OPRL1: variants seen among roughly 807,000 people sequenced by gnomAD.
OPRL1 encodes nociceptin receptor.
Under a neutral mutation model 15.5 loss-of-function variants are expected in OPRL1, and 5 were observed. That is an observed-to-expected ratio of 0.32 (90% CI 0.17 to 0.68). The LOEUF (loss-of-function observed/expected upper bound fraction) is 0.68, where lower values mean the gene tolerates loss of function less well. Among genes scored for constraint, OPRL1 ranks in the 30% least tolerant of loss-of-function variants. OPRL1 has a pLI of 0.72. For missense variants in OPRL1, 406 were observed against 515.3 expected (o/e 0.79, Z 2.05); for synonymous variants, 223 against 230.2 (o/e 0.97, Z 0.28).
rs991302011 is a variant in OPRL1, at chr20:64,089,765, G to T, written c.-184-2201G>T. On this transcript the variant is annotated intron_variant, in intron 1 of 4. Coordinates refer to ENST00000336866, the MANE Select transcript of OPRL1 (RefSeq NM_182647.4). This position sits in a 1 kb window ranked among gnomAD's most constrained non-coding sequence, Gnocchi z 5.5. ...TCCTGGTCCGGGGACATCAGGTTGG[G>T]CTCCTTTGTCCTTCCCTTACGAGGT... Among the ~76,000 whole-genome samples the T allele has an allele frequency of 6.6e-6, 1 of 152,208 alleles. No homozygotes were observed. Among genetic ancestry groups the T allele is most frequent in the Non-Finnish European group, 1.5e-5 (1 of 68,036 alleles).
chr20:64,092,588 G>T (rs911403638), intron 2 of OPRL1, 100 bp from the exon 3 acceptor site: 3 of 828,600 alleles, frequency 3.6e-6, no homozygotes, highest in Non-Finnish European at 5.7e-6. Flanking sequence ...TGCCCAGCGT[G>T]GGGGTCCATG....
rs955471337 is a variant in OPRL1 at position 64,100,012 on chromosome 20, G to C, written c.*1213G>C. ...TGAGCTTGCTGCCCAACGGGAGGAT[G>C]GCTTCACAGCAGAGCCAGCATGAGG... On this transcript the variant is annotated 3_prime_UTR_variant, in exon 5 of 5. Transcript: ENST00000336866. The C allele has an allele frequency of 1.3e-5, 2 of 152,072 alleles. No homozygotes were observed. The highest frequency in any genetic ancestry group is 4.8e-5 in the African/African-American group (2 of 41,342). The allele number at this position is 152,072 out of a possible 1,614,324, so 9.4% of individuals were successfully genotyped here.
chr20:64,082,044 T>C (rs897851695), intron 1 of OPRL1, among the ~76,000 whole-genome samples: 1 of 152,198 alleles, frequency 6.6e-6, no homozygotes, highest in East Asian at 1.9e-4. Context: ...ATTCTCCCAG[T>C]AGATGAACTC....
chr20:64,081,672 C>G (rs1322646709), intron 1 of OPRL1, among the ~76,000 whole-genome samples: 3 of 152,208 alleles, frequency 2.0e-5, no homozygotes, highest in African/African-American at 7.2e-5. Flanking sequence ...CCTGACAGCC[C>G]TCAATATATT....
chr20:64,084,456 A>G (rs1388488030), intron 1 of OPRL1: 53 of 1,066,086 alleles, frequency 5.0e-5, no homozygotes, highest in East Asian at 7.0e-5. Flanking sequence ...CCTGCAGTCA[A>G]CTAGGACTTT....
intron 1 of OPRL1, among the ~76,000 whole-genome samples, chr20:64,087,868 A>G (rs1185153048): frequency 6.6e-6 from 1 of 151,988 alleles, no homozygotes; most frequent in Non-Finnish European, 1.5e-5. Context: ...GCAGGACTCT[A>G]TTAGGGGTCT....
At chr20:64,088,805 T>C (rs62218111) in intron 1 of OPRL1, among the ~76,000 whole-genome samples, 283 of 65,400 alleles carry the variant, frequency 4.3e-3, no homozygotes, top group East Asian at 9.4e-3. Flanking sequence ...GGCCAGGATC[T>C]GTGCAGAGTG....
chr20:64,087,945 G>C (rs1196260230), intron 1 of OPRL1, among the ~76,000 whole-genome samples: 1 of 152,232 alleles, frequency 6.6e-6, no homozygotes, highest in African/African-American at 2.4e-5. Context: ...TGGGTCCAGG[G>C]CTGGGCCCCT....
chr20:64,083,737 A>AGCCCC lies in OPRL1; in HGVS notation c.-185+3402_-185+3406dup, dbSNP rs1331187235. The AGCCCC allele has an allele frequency of 4.9e-4, 655 of 1,340,906 alleles. No homozygotes were observed. The African/African-American group carries it at 5.0e-3, about 10-fold the overall frequency. 83.1% of individuals were successfully genotyped at this position (1,340,906 alleles called of 1,614,324 possible). A position where few individuals can be genotyped will look rare whatever the true frequency, so the allele number is the denominator to read the frequency against. On this transcript the variant is annotated intron_variant, in intron 1 of 4. Coordinates refer to ENST00000336866, the MANE Select transcript of OPRL1 (RefSeq NM_182647.4). The surrounding 1 kb of genome is among the most constrained non-coding windows in gnomAD (Gnocchi z 4.9). ...GGCCCGGGTAGCTGAGCGCGCGCCG[A>AGCCCC]GCCCCGCCCCGCCCCGCCCCGGCCG...
At chr20:64,088,598 G>C (rs1601634238) in intron 1 of OPRL1, among the ~76,000 whole-genome samples, 2 of 151,054 alleles carry the variant, frequency 1.3e-5, no homozygotes, top group South Asian at 4.2e-4. Flanking sequence ...CTGTGCAAGG[G>C]GTAGGATCTG....
In OPRL1 at chr20:64,098,916, G is replaced by T. The variant is rs1979532120; in HGVS notation, c.*117G>T. On this transcript the variant is annotated 3_prime_UTR_variant, in exon 5 of 5. Transcript: ENST00000336866. ...ACACACCCTGGGCCCTGAGCATCCA[G>T]AGCCTGGGATGGGCTTTTCCCTGTG... 1 of 1,366,500 alleles carries T rather than the reference G, an allele frequency of 7.3e-7. No individual in the cohort carries two copies. The highest frequency in any genetic ancestry group is 1.5e-5 in the African/African-American group (1 of 68,672). 84.6% of individuals were successfully genotyped at this position (1,366,500 alleles called of 1,614,324 possible).
intron 1 of OPRL1, chr20:64,084,070 T>C (rs756712070): frequency 6.7e-7 from 1 of 1,497,102 alleles, no homozygotes; most frequent in South Asian, 1.3e-5. Context: ...TGGCCGCCAG[T>C]CCCTGCGGCG....
At chr20:64,094,510 T>G (rs1458912926) in intron 3 of OPRL1, among the ~76,000 whole-genome samples, 1 of 6 alleles carries the variant, frequency 0.17, no homozygotes, top group Non-Finnish European at 0.25. Context: ...AGTGTGGGGG[T>G]CAGTGTGGGG....
intron 3 of OPRL1, among the ~76,000 whole-genome samples, chr20:64,096,896 C>T (rs1000510928): frequency 8.6e-5 from 2 of 23,182 alleles, no homozygotes; most frequent in African/African-American, 3.1e-4. Flanking sequence ...ATCATCATCA[C>T]GACCATCACC....
rs1375163601 is a variant in OPRL1, at chr20:64,098,723, C to T, written c.1037C>T (p.Ser346Phe). 2.5e-6 allele frequency: 4 copies of T among 1,611,966 alleles called. No homozygotes were observed. The highest frequency in any genetic ancestry group is 1.3e-5 in the African/African-American group (1 of 74,936). ...GCCCTGCGCCGGGACGTGCAGGTGT[C>T]TGACCGCGTGCGCAGCATTGCCAAG... ...ASALRRDVQV[S>F]DRVRSIAKDV... Residue 346 changes from serine to phenylalanine, a missense_variant, in exon 5 of 5, where the codon TCT becomes TTT. Transcript: ENST00000336866.
At chr20:64,084,227 C>T (rs1225090830) in intron 1 of OPRL1, 1 of 1,387,268 alleles carries the variant, frequency 7.2e-7, no homozygotes, top group South Asian at 1.6e-5. Context: ...CATCCTCCCG[C>T]CCTGCGGAGG....
chr20:64,096,293 G>A (rs1166122888), intron 3 of OPRL1, among the ~76,000 whole-genome samples: 4 of 152,072 alleles, frequency 2.6e-5, no homozygotes, highest in African/African-American at 7.2e-5. Context: ...ACACTGGCCC[G>A]AGAGGCCGCA....
At chr20:64,092,458 C>CT (rs751504661) in intron 2 of OPRL1, among the ~76,000 whole-genome samples, 55 of 152,220 alleles carry the variant, frequency 3.6e-4, no homozygotes, top group Middle Eastern at 6.8e-3. Context: ...GCATGTGTGT[C>CT]TTTGTGTTCT....
Position 64,098,988 on chromosome 20 carries a change from A to G in OPRL1, c.*189A>G, listed in dbSNP as rs556144561. On this transcript the variant is annotated 3_prime_UTR_variant, in exon 5 of 5. Coordinates refer to ENST00000336866, the MANE Select transcript of OPRL1 (RefSeq NM_182647.4). The stretch of plus-strand genomic sequence containing the variant: ...GAGGAGGACCTAGTGACATCATGGG[A>G]CAGGTCAAAGCATTAGGGCCACCTC... 67 of 800,836 alleles carry G rather than the reference A, an allele frequency of 8.4e-5. No homozygotes were observed. In the East Asian group the frequency reaches 1.2e-3, roughly 15 times the overall value. The allele number at this position is 800,836 out of a possible 1,614,324, so 49.6% of individuals were successfully genotyped here.
Sources: gnomAD v4.1 joint callset for allele counts (sites outside exome capture counted in the v4.1 genomes callset) on GRCh38, gnomAD v4.1.1 for gene constraint, Gnocchi (gnomAD v3.1) non-coding constraint, MANE v1.5 for transcripts, NCBI Gene and HGNC (gene_info 2026-07-23, HGNC 2026-07-21) for gene names.